Variants in NCAPG observed in about 807,000 individuals in gnomAD.
NCAPG encodes condensin complex subunit 3.
A neutral mutation model predicts 113.1 loss-of-function variants in NCAPG; 69 were observed. That is an observed-to-expected ratio of 0.61 (90% CI 0.50 to 0.75). The LOEUF is 0.75. Among genes scored for constraint, NCAPG ranks in the 30% least tolerant of loss-of-function variants. The probability of loss-of-function intolerance (pLI) is 0.00; values close to 1 mark genes in which losing one functional copy is unlikely to be tolerated. For synonymous variants in NCAPG, 370 were observed against 415.8 expected (o/e 0.89, Z 1.34); for missense variants, 1,058 against 1,177.0 (o/e 0.90, Z 1.48).
At chr4:17,842,526 A>G in intron 20 of NCAPG, 147 bp downstream of exon 20, 1 of 636,990 alleles carries the variant, frequency 1.6e-6, no homozygotes, top group Admixed American at 3.0e-5. Flanking sequence ...ATATAGTCTA[A>G]AATTCCATCA....
chr4:17,839,573 A>AT (rs1722247523), intron 16 of NCAPG, 103 bp from the exon 17 acceptor site: 1 of 847,236 alleles, frequency 1.2e-6, no homozygotes, highest in African/African-American at 1.8e-5. Context: ...TATATTTGGG[A>AT]TTATGGCAAG....
Position 17,834,524 on chromosome 4 carries a change from G to C in NCAPG, c.2109+1G>C. 1 of 1,557,488 alleles carries C rather than the reference G, an allele frequency of 6.4e-7. No individual in the cohort carries two copies. Among genetic ancestry groups the C allele is most frequent in the Non-Finnish European group, 8.7e-7 (1 of 1,146,356 alleles). On this transcript the variant is annotated splice_donor_variant, in intron 14 of 20. Coordinates refer to ENST00000251496, the MANE Select transcript of NCAPG (RefSeq NM_022346.5). LOFTEE classifies it high-confidence loss of function. ...CCTTTCTGATTTCTTAGATAGTGAG[G>C]TAAGAAATAATCCAGTCCTGTGATT...
Position 17,843,378 on chromosome 4 carries a change from A to AAAAG in NCAPG, c.3002_3005dup (p.Ser1002ArgfsTer3). On this transcript the variant is annotated frameshift_variant, in exon 21 of 21. Transcript: ENST00000251496. LOFTEE classifies it high-confidence loss of function. ...ACGAGCCAAAACCGCAGCACTAGAA[A>AAAAG]AAAGTAAACTTAACCTTGCCCAATT... 6.2e-7 allele frequency: 1 copy of AAAAG among 1,612,162 alleles called. No homozygotes were observed. Among genetic ancestry groups the AAAAG allele is most frequent in the Non-Finnish European group, 8.5e-7 (1 of 1,178,394 alleles).
rs745436024 is a variant in NCAPG at position 17,839,695 on chromosome 4, A to C, written c.2486A>C (p.Asn829Thr). 1 of 1,561,606 alleles carries C rather than the reference A, an allele frequency of 6.4e-7. No individual in the cohort carries two copies. Among genetic ancestry groups the C allele is most frequent in the Non-Finnish European group, 8.6e-7 (1 of 1,164,514 alleles). ...TTTTAGGCCTTAACAGTACATGACA[A>C]TTTGGCTATGAAAATTTGCAATGAG... Reference protein sequence around the residue: ...QDYQALTVHDNLAMKICNEIL... With the variant: ...QDYQALTVHDTLAMKICNEIL... The change falls in exon 17 of 21, where the codon AAT becomes ACT. Residue 829 changes from asparagine (N) to threonine (T), a missense_variant. Asn to Thr is a moderately conservative substitution (Grantham distance 65). Transcript: ENST00000251496.
intron 9 of NCAPG, among the ~76,000 whole-genome samples, chr4:17,824,741 G>A (rs1159375828): frequency 6.6e-6 from 1 of 151,960 alleles, no homozygotes; most frequent in Admixed American, 6.5e-5. Context: ...CTGTCTGTGT[G>A]CCTATTTCCC....
rs1483180629 is a variant in NCAPG, at chr4:17,844,293, A to C, written c.*868A>C. 6.6e-6 allele frequency: 1 copy of C among 152,322 alleles called. No individual in the cohort carries two copies. The highest frequency in any genetic ancestry group is 1.5e-5 in the Non-Finnish European group (1 of 67,846). The allele number at this position is 152,322 out of a possible 1,614,324, so 9.4% of individuals were successfully genotyped here. Reference sequence around the variant, plus strand: ...ACTTACGAAACTTGTACTATATGAAATTGGTCCTCTTTTCTGCAATACCCA... The same window carrying C: ...ACTTACGAAACTTGTACTATATGAACTTGGTCCTCTTTTCTGCAATACCCA... On this transcript the variant is annotated 3_prime_UTR_variant, in exon 21 of 21. Coordinates refer to ENST00000251496, the MANE Select transcript of NCAPG (RefSeq NM_022346.5).
At chr4:17,825,610 C>G in intron 11 of NCAPG, 49 bp downstream of exon 11, 2 of 1,460,140 alleles carry the variant, frequency 1.4e-6, no homozygotes, top group Non-Finnish European at 1.9e-6. Flanking sequence ...TTAATCATCT[C>G]AACTAAATCT....
At chr4:17,812,038 C>T (rs1720991633) in intron 1 of NCAPG, among the ~76,000 whole-genome samples, 183 bp from the exon 2 acceptor site, 2 of 152,096 alleles carry the variant, frequency 1.3e-5, no homozygotes, top group Non-Finnish European at 2.9e-5. Context: ...CCCATTATAG[C>T]CTGGAGAGAA....
intron 16 of NCAPG, among the ~76,000 whole-genome samples, chr4:17,838,879 T>C (rs1722208464): frequency 1.3e-5 from 2 of 152,064 alleles, no homozygotes; most frequent in East Asian, 3.9e-4. Context: ...ATGAGATGAA[T>C]TGGTGAGCAG....
At chr4:17,837,836 T>A in intron 16 of NCAPG, 35 bp downstream of exon 16, 2 of 1,609,970 alleles carry the variant, frequency 1.2e-6, no homozygotes, top group Non-Finnish European at 8.5e-7. Context: ...CAGATCACTG[T>A]TTTGGTAAAA....
At chr4:17,841,831 G>GTTAT (rs1722438035) in intron 19 of NCAPG, 1 of 153,424 alleles carries the variant, frequency 6.5e-6, no homozygotes, top group South Asian at 2.0e-4. Flanking sequence ...GGTCATGTAT[G>GTTAT]TTATTTTACA....
chr4:17,844,466 T>G lies in NCAPG; in HGVS notation c.*1041T>G, dbSNP rs1560240111. Reference sequence around the variant, plus strand: ...GATGGAGCTAAAGTAAGATCACTGGTTTTTAGAACCAAATTGCTATACATA... The same window carrying G: ...GATGGAGCTAAAGTAAGATCACTGGGTTTTAGAACCAAATTGCTATACATA... On this transcript the variant is annotated 3_prime_UTR_variant, in exon 21 of 21. Transcript: ENST00000251496. 1 of 152,422 alleles carries G rather than the reference T, an allele frequency of 6.6e-6. No individual in the cohort carries two copies. Among genetic ancestry groups the G allele is most frequent in the Non-Finnish European group, 1.5e-5 (1 of 67,870 alleles). The allele number at this position is 152,422 out of a possible 1,614,324, so 9.4% of individuals were successfully genotyped here.
In NCAPG at chr4:17,839,819, A is replaced by G. The variant is rs754949601; in HGVS notation, c.2610A>G (p.Leu870=). The G allele has an allele frequency of 2.5e-6, 4 of 1,584,462 alleles. No homozygotes were observed. The highest frequency in any genetic ancestry group is 4.1e-5 in the Admixed American group (2 of 48,940). The change falls in exon 17 of 21, where the codon CTA becomes CTG. Residue 870 remains leucine (L), a synonymous_variant. Transcript: ENST00000251496. ...ATCTTGCAAAAGATCTTCTGGTTCTATTGAATGAGATTCTGGAGGTAAAGT... is the reference window on the plus strand; with the variant it reads ...ATCTTGCAAAAGATCTTCTGGTTCTGTTGAATGAGATTCTGGAGGTAAAGT... ...SSHLAKDLLV[L]LNEILEQVKD...
At chr4:17,835,700 T>G (rs1051093240) in intron 14 of NCAPG, among the ~76,000 whole-genome samples, 1 of 152,210 alleles carries the variant, frequency 6.6e-6, no homozygotes, top group Non-Finnish European at 1.5e-5. Flanking sequence ...GTTCTGGATA[T>G]TTTGTGTAAG....
chr4:17,820,406 C>G (rs749315454), intron 7 of NCAPG, among the ~76,000 whole-genome samples: 1 of 152,028 alleles, frequency 6.6e-6, no homozygotes, highest in Non-Finnish European at 1.5e-5. Context: ...TCGAGACCAT[C>G]CTAGCCAACA....
Position 17,822,981 on chromosome 4 carries a change from A to G in NCAPG, c.1119-2A>G, listed in dbSNP as rs1317621132. On this transcript the variant is annotated splice_acceptor_variant, in intron 7 of 20. Transcript: ENST00000251496. LOFTEE classifies it high-confidence loss of function. Reference sequence around the variant, plus strand: ...CTACTTTATTAATTCTGCTTGTTTTAGTTACATCCAGAGCATTCCAGTTGT... The same window carrying G: ...CTACTTTATTAATTCTGCTTGTTTTGGTTACATCCAGAGCATTCCAGTTGT... 6.4e-7 allele frequency: 1 copy of G among 1,574,182 alleles called. No homozygotes were observed. Among genetic ancestry groups the G allele is most frequent in the Non-Finnish European group, 8.6e-7 (1 of 1,166,546 alleles).
chr4:17,826,040 T>C (rs531690111), intron 11 of NCAPG, among the ~76,000 whole-genome samples: 1 of 152,142 alleles, frequency 6.6e-6, no homozygotes, highest in African/African-American at 2.4e-5. Flanking sequence ...TTATTTTTAA[T>C]GAAATACTGA....
intron 16 of NCAPG, among the ~76,000 whole-genome samples, chr4:17,838,049 CCTAGTA>C (rs774550980): frequency 2.0e-5 from 3 of 152,202 alleles, no homozygotes; most frequent in Non-Finnish European, 4.4e-5. Flanking sequence ...ACCATGCCCA[CCTAGTA>C]CTGACTGTTA....
At chr4:17,820,561 C>G (rs1721413261) in intron 7 of NCAPG, among the ~76,000 whole-genome samples, 1 of 151,948 alleles carries the variant, frequency 6.6e-6, no homozygotes, top group Admixed American at 6.6e-5. Flanking sequence ...GAGATCGCGC[C>G]ACTGCACTCC....
Sources: allele counts gnomAD v4.1 joint callset (sites outside exome capture counted in the v4.1 genomes callset), GRCh38; gene constraint gnomAD v4.1.1; transcripts MANE v1.5; gene names NCBI Gene and HGNC (gene_info 2026-07-23, HGNC 2026-07-21).